Variants in MGAT5 observed in about 807,000 individuals in gnomAD.
MGAT5 encodes the protein alpha-1,6-mannosylglycoprotein 6-beta-N-acetylglucosaminyltransferase A.
MGAT5 carries 30 observed loss-of-function variants against 94.3 expected under a neutral mutation model. The ratio of observed to expected loss-of-function variants is 0.32; its 90% CI spans 0.24 to 0.43. The LOEUF is 0.43. Among genes scored for constraint, MGAT5 ranks in the 20% least tolerant of loss-of-function variants. MGAT5 has a pLI of 1.00. For synonymous variants in MGAT5, 310 were observed against 322.9 expected, an observed-to-expected ratio of 0.96 and a Z score of 0.43; for missense variants, 691 against 905.5, an observed-to-expected ratio of 0.76 and a Z score of 3.04.
At chr2:134,146,560 A>T (rs938590460) in intron 1 of MGAT5, among the ~76,000 whole-genome samples, 18 of 127,720 alleles carry the variant, frequency 1.4e-4, no homozygotes, top group Admixed American at 5.2e-4. Context: ...ACCCTATTTA[A>T]AAAAAAAAAA....
intron 1 of MGAT5, among the ~76,000 whole-genome samples, chr2:134,165,514 GC>G (rs544250307): frequency 2.0e-3 from 300 of 152,222 alleles, no homozygotes; most frequent in Non-Finnish European, 3.4e-3. Flanking sequence ...GGTGGCTCAT[GC>G]CTGTAATCTC....
intron 10 of MGAT5, among the ~76,000 whole-genome samples, chr2:134,384,502 C>A (rs1681844226): frequency 6.6e-6 from 1 of 152,136 alleles, no homozygotes; most frequent in Non-Finnish European, 1.5e-5. Context: ...CTGTGAACCA[C>A]AAAATATTAG....
Position 134,326,520 on chromosome 2 carries a change from T to A in MGAT5, c.573+7781T>A, listed in dbSNP as rs143116927. Among the ~76,000 whole-genome samples, 369 of 152,148 alleles carry A rather than the reference T, an allele frequency of 2.4e-3. 2 individuals carry two copies. The highest frequency in any genetic ancestry group is 8.6e-3 in the African/African-American group (357 of 41,530). On this transcript the variant is annotated intron_variant, in intron 4 of 15. Transcript: ENST00000281923. ...CTGGAACCAGCATCTCTAAGAACCA[T>A]CTTGCTCCCCCGGCCTGCATACCAC...
intron 1 of MGAT5, among the ~76,000 whole-genome samples, chr2:134,146,050 T>C (rs1365953463): frequency 6.6e-6 from 1 of 152,222 alleles, no homozygotes; most frequent in African/African-American, 2.4e-5. Flanking sequence ...CTCCAGTCTT[T>C]ATTCTGCTTT....
chr2:134,447,045 T>C (rs1435754489), intron 15 of MGAT5, among the ~76,000 whole-genome samples: 1 of 152,220 alleles, frequency 6.6e-6, no homozygotes, highest in East Asian at 1.9e-4. Context: ...GAGAAAATGA[T>C]GCTTTACATA....
intron 1 of MGAT5, among the ~76,000 whole-genome samples, chr2:134,138,338 T>G (rs1468126584): frequency 6.6e-6 from 1 of 152,102 alleles, no homozygotes; most frequent in Non-Finnish European, 1.5e-5. Flanking sequence ...ACTCAGACTG[T>G]TTCATATTTT....
intron 9 of MGAT5, among the ~76,000 whole-genome samples, chr2:134,358,417 A>G (rs984789503): frequency 5.3e-5 from 8 of 152,352 alleles, no homozygotes; most frequent in South Asian, 4.1e-4. Flanking sequence ...AGGAAAACCA[A>G]TAAATCCATT....
chr2:134,243,910 A>G (rs1682098515), intron 1 of MGAT5, among the ~76,000 whole-genome samples: 1 of 152,070 alleles, frequency 6.6e-6, no homozygotes, highest in African/African-American at 2.4e-5. Context: ...GGAAATAATG[A>G]GCTTTATCTT....
upstream of MGAT5, among the ~76,000 whole-genome samples, chr2:134,252,910 C>G (rs1292978477): frequency 1.3e-5 from 2 of 152,140 alleles, no homozygotes; most frequent in African/African-American, 4.8e-5. Context: ...GCTGGCTGAC[C>G]TTTGCCAAGT....
intron 4 of MGAT5, among the ~76,000 whole-genome samples, chr2:134,334,496 C>CTTT (rs59933611): frequency 0.45 from 15,499 of 34,182 alleles, 5,281 homozygotes; most frequent in Non-Finnish European, 0.52. Flanking sequence ...CTTGCTCATC[C>CTTT]TTTTTTTTTT....
intron 2 of MGAT5, among the ~76,000 whole-genome samples, chr2:134,309,457 A>G (rs1686521227): frequency 6.6e-6 from 1 of 152,194 alleles, no homozygotes; most frequent in African/African-American, 2.4e-5. Flanking sequence ...CTTTCTTTAC[A>G]TCCTTGGCAA....
chr2:134,343,946 G>A (rs1459317018), intron 7 of MGAT5, among the ~76,000 whole-genome samples: 1 of 152,174 alleles, frequency 6.6e-6, no homozygotes, highest in Non-Finnish European at 1.5e-5. Flanking sequence ...CTGACTCTTG[G>A]GAGGAAACTG....
At chr2:134,148,677 C>T (rs75697058) in intron 1 of MGAT5, among the ~76,000 whole-genome samples, 5,000 of 152,044 alleles carry the variant, frequency 0.033, 343 homozygotes, top group East Asian at 0.27. Flanking sequence ...CACATGGACA[C>T]ACTGTATGCA....
Position 134,194,001 on chromosome 2 carries a change from C to T in MGAT5, c.-142-60261C>T, listed in dbSNP as rs768052830. ...ACTGGTGCCAGATGGTATTGCACCT[C>T]CTACTGGGTTAATGAACAGGCATTT... On this transcript the variant is annotated intron_variant, in intron 1 of 16. Transcript: ENST00000409645. 6.0e-4 allele frequency among the ~76,000 whole-genome samples: 91 copies of T among 152,298 alleles called. 1 individual carries two copies. Among genetic ancestry groups the T allele is most frequent in the Middle Eastern group, 3.4e-3 (1 of 294 alleles).
At chr2:134,360,668 G>T (rs954617422) in intron 9 of MGAT5, among the ~76,000 whole-genome samples, 1 of 152,144 alleles carries the variant, frequency 6.6e-6, no homozygotes, top group African/African-American at 2.4e-5. Context: ...ATGCACACAG[G>T]TTTTGTTCCT....
intron 1 of MGAT5, among the ~76,000 whole-genome samples, chr2:134,120,835 G>T (rs1247160437): frequency 1.3e-5 from 2 of 151,946 alleles, no homozygotes; most frequent in Non-Finnish European, 2.9e-5. Flanking sequence ...AGGGAGGAGG[G>T]ATGCGGCGGG....
chr2:134,335,831 A>G (rs1194560443), intron 4 of MGAT5, among the ~76,000 whole-genome samples: 1 of 152,076 alleles, frequency 6.6e-6, no homozygotes, highest in East Asian at 1.9e-4. Context: ...TTTCCTGTCC[A>G]TTTGCTAAAG....
intron 1 of MGAT5, among the ~76,000 whole-genome samples, chr2:134,192,592 C>T (rs1248906789): frequency 1.3e-5 from 2 of 152,124 alleles, no homozygotes; most frequent in African/African-American, 2.4e-5. Flanking sequence ...AATTCCTTTG[C>T]TCTAAGGAAA....
chr2:134,139,667 A>G (rs1037194342), intron 1 of MGAT5, among the ~76,000 whole-genome samples: 1 of 152,202 alleles, frequency 6.6e-6, no homozygotes, highest in Non-Finnish European at 1.5e-5. Flanking sequence ...ATTTGTTCGC[A>G]GTGTCATGTT....
Sources: gnomAD v4.1 joint callset for allele counts (sites outside exome capture counted in the v4.1 genomes callset) on GRCh38, gnomAD v4.1.1 for gene constraint, MANE v1.5 for transcripts, NCBI Gene and HGNC (gene_info 2026-07-23, HGNC 2026-07-21) for gene names.